The following ANGPT4 variants were observed in gnomAD, a reference collection of about 807,000 sequenced individuals.
The protein encoded by ANGPT4 is angiopoietin-4.
ANGPT4 carries 50 observed loss-of-function variants against 53.0 expected under a neutral mutation model. The ratio of observed to expected loss-of-function variants is 0.94; its 90% CI spans 0.75 to 1.20. The LOEUF is 1.20. Among genes scored for constraint, ANGPT4 ranks in the 50% most tolerant of loss-of-function variants. ANGPT4 has a pLI of 0.00. For synonymous variants in ANGPT4, 251 were observed against 259.7 expected, an observed-to-expected ratio of 0.97 and a Z score of 0.32; for missense variants, 648 against 637.1, an observed-to-expected ratio of 1.02 and a Z score of -0.18.
intron 1 of ANGPT4, among the ~76,000 whole-genome samples, chr20:906,245 C>A (rs1982475866): frequency 6.6e-6 from 1 of 152,178 alleles, no homozygotes; most frequent in African/African-American, 2.4e-5. Context: ...GCCTGAGGAC[C>A]CTTAAGCAGC....
chr20:885,786 T>C (rs1179952817), intron 3 of ANGPT4, among the ~76,000 whole-genome samples: 1 of 152,114 alleles, frequency 6.6e-6, no homozygotes, highest in Non-Finnish European at 1.5e-5. Context: ...TCCGCAGTCA[T>C]GAAGGAGGAG....
Position 901,968 on chromosome 20 carries a change from GA to G in ANGPT4, c.310-11601del, listed in dbSNP as rs1982303441. Among the ~76,000 whole-genome samples, 4 of 152,148 alleles carry G rather than the reference GA, an allele frequency of 2.6e-5. No individual in the cohort carries two copies. In the South Asian group the frequency reaches 8.3e-4, roughly 32 times the overall value. On this transcript the variant is annotated intron_variant, in intron 1 of 8. Coordinates refer to ENST00000381922, the MANE Select transcript of ANGPT4 (RefSeq NM_015985.4). ...GTTGAGCTACATCAGATGCTGATCT[GA>G]AAAGATGTCCCTGTCATGCTTATGA...
intron 1 of ANGPT4, among the ~76,000 whole-genome samples, chr20:892,139 A>T (rs968846991): frequency 3.8e-4 from 57 of 151,318 alleles, no homozygotes; most frequent in African/African-American, 1.3e-3. Flanking sequence ...CTAAAAACTA[A>T]CTCCACAGCC....
In ANGPT4 at chr20:885,193, G is replaced by A. The variant is rs1198446645; in HGVS notation, c.720C>T (p.Gly240=). The part of the protein sequence containing the change: ...QSAALTNIER[G]LRGVRHNSSL... The stretch of plus-strand genomic sequence containing the variant: ...TGGAGTTGTGCCTGACACCGCGCAG[G>A]CCGCGCTCGATGTTGGTGAGGGCGG... The change falls in exon 4 of 9, where the codon GGC becomes GGT. Residue 240 remains glycine, a synonymous_variant. Transcript: ENST00000381922. 10 of 1,602,032 alleles carry A rather than the reference G, an allele frequency of 6.2e-6. No homozygotes were observed. The highest frequency in any genetic ancestry group is 8.5e-6 in the Non-Finnish European group (10 of 1,174,266).
At chr20:899,823 C>A (rs190279588) in intron 1 of ANGPT4, among the ~76,000 whole-genome samples, 1 of 152,228 alleles carries the variant, frequency 6.6e-6, no homozygotes, top group Non-Finnish European at 1.5e-5. Flanking sequence ...AGCCTCTCTT[C>A]GGTTTCACTT....
chr20:900,773 G>A lies in ANGPT4; in HGVS notation c.310-10405C>T, dbSNP rs752015937. ...GACAACATAAAAAAACTCAAGGACA[G>A]AGCCCAAAAACTTGCCAGTCAAGCA... On this transcript the variant is annotated intron_variant, in intron 1 of 8. Coordinates refer to ENST00000381922, the MANE Select transcript of ANGPT4 (RefSeq NM_015985.4). Among the ~76,000 whole-genome samples the A allele has an allele frequency of 6.6e-5, 10 of 152,162 alleles. No individual in the cohort carries two copies. In the East Asian group the frequency reaches 7.7e-4, roughly 12 times the overall value.
Position 911,587 on chromosome 20 carries a change from GAGTTAGCAAC to G in ANGPT4, c.309+4309_309+4318del, listed in dbSNP as rs140779580. The stretch of plus-strand genomic sequence containing the variant: ...AGAATCAGAGACAGAGACACCCACA[GAGTTAGCAAC>G]AGTGAGTCAGGGCCACCGCGAGAGC... On this transcript the variant is annotated intron_variant, in intron 1 of 8. Transcript: ENST00000381922. This position sits in a 1 kb window ranked among gnomAD's most constrained non-coding sequence, Gnocchi z 4.9. Among the ~76,000 whole-genome samples, 1,989 of 152,254 alleles carry G rather than the reference GAGTTAGCAAC, an allele frequency of 0.013. 55 individuals carry two copies. The highest frequency in any genetic ancestry group is 0.044 in the African/African-American group (1,839 of 41,544).
chr20:909,519 G>A (rs1054945524), intron 1 of ANGPT4, among the ~76,000 whole-genome samples: 12 of 152,176 alleles, frequency 7.9e-5, no homozygotes, highest in East Asian at 1.9e-4. Flanking sequence ...TGGATGGTAC[G>A]ACAGGATTCC....
intron 3 of ANGPT4, among the ~76,000 whole-genome samples, chr20:886,003 G>C (rs890756805): frequency 6.6e-6 from 1 of 152,256 alleles, no homozygotes. Context: ...CTGCAGAGCA[G>C]GTTTGAGTGG....
intron 4 of ANGPT4, among the ~76,000 whole-genome samples, chr20:883,514 C>T (rs777447158): frequency 1.3e-5 from 2 of 152,200 alleles, no homozygotes; most frequent in African/African-American, 2.4e-5. Context: ...GGTTCCTGTG[C>T]CCCATCTCCA....
intron 4 of ANGPT4, among the ~76,000 whole-genome samples, chr20:882,636 G>A (rs1019938705): frequency 6.6e-6 from 1 of 152,138 alleles, no homozygotes; most frequent in Non-Finnish European, 1.5e-5. Context: ...ACAGGGAATT[G>A]GAGTCCAGCC....
chr20:879,379 A>T (rs2122767994), intron 6 of ANGPT4, among the ~76,000 whole-genome samples: 1 of 152,352 alleles, frequency 6.6e-6, no homozygotes, highest in African/African-American at 2.4e-5. Flanking sequence ...TCCTGCAGAT[A>T]TGATCATAGA....
In ANGPT4 at chr20:874,320, G is replaced by A. The variant is rs1568819826; in HGVS notation, c.1315C>T (p.His439Tyr). Residue 439 changes from histidine (H) to tyrosine (Y), a missense_variant, in exon 8 of 9, where the codon CAC becomes TAC. Physicochemically the swap from His to Tyr is moderately conservative, Grantham distance 83. Coordinates refer to ENST00000381922, the MANE Select transcript of ANGPT4 (RefSeq NM_015985.4). ...ACTTGGGCACACTTGCAGAGACAGT[G>A]GTCGTTGTCTGAGTCAAGGGTGCTA... ...SFSTLDSDND[H>Y]CLCKCAQVMS... 1.9e-6 allele frequency: 3 copies of A among 1,614,086 alleles called. No individual in the cohort carries two copies. Among genetic ancestry groups the A allele is most frequent in the Non-Finnish European group, 2.5e-6 (3 of 1,180,038 alleles).
Position 890,383 on chromosome 20 carries a change from G to T in ANGPT4, c.310-15C>A. 1 of 1,604,514 alleles carries T rather than the reference G, an allele frequency of 6.2e-7. No homozygotes were observed. The highest frequency in any genetic ancestry group is 8.5e-7 in the Non-Finnish European group (1 of 1,177,718). On this transcript the variant is annotated splice_polypyrimidine_tract_variant and intron_variant, in intron 1 of 8. Transcript: ENST00000381922. ...GCCCTCTCTAGCTGTGGGAGACCAT[G>T]GGCTGGGGTCACGGGGGAGGGGCGG...
intron 1 of ANGPT4, among the ~76,000 whole-genome samples, chr20:902,142 T>C (rs1469494187): frequency 1.3e-5 from 2 of 152,128 alleles, no homozygotes; most frequent in Non-Finnish European, 1.5e-5. Flanking sequence ...GGGGTTTCAA[T>C]AGGGTGATGG....
At chr20:880,159 G>A (rs6140526) in intron 5 of ANGPT4, among the ~76,000 whole-genome samples, 25,006 of 152,192 alleles carry the variant, frequency 0.16, 2,514 homozygotes, top group Non-Finnish European at 0.23. Context: ...GATGAGTCAC[G>A]TAAAGTGTTT....
intron 1 of ANGPT4, among the ~76,000 whole-genome samples, chr20:915,225 C>G (rs1328586808): frequency 1.0e-5 from 1 of 99,244 alleles, no homozygotes; most frequent in Non-Finnish European, 1.8e-5. Context: ...CTTCCAGTGG[C>G]CCCCCCCCCA....
At chr20:875,828 A>G (rs1981143986) in intron 7 of ANGPT4, among the ~76,000 whole-genome samples, 1 of 152,092 alleles carries the variant, frequency 6.6e-6, no homozygotes, top group Non-Finnish European at 1.5e-5. Flanking sequence ...ATTTGGGAGC[A>G]ATTAAGAAGG....
chr20:912,102 C>T (rs1352465758), intron 1 of ANGPT4, among the ~76,000 whole-genome samples: 2 of 152,190 alleles, frequency 1.3e-5, no homozygotes, highest in African/African-American at 4.8e-5. Context: ...TTGTGTCTGG[C>T]CCTGGTTTTC....
Sources: gnomAD v4.1 joint callset for allele counts (sites outside exome capture counted in the v4.1 genomes callset) on GRCh38, gnomAD v4.1.1 for gene constraint, Gnocchi (gnomAD v3.1) non-coding constraint, MANE v1.5 for transcripts, NCBI Gene and HGNC (gene_info 2026-07-23, HGNC 2026-07-21) for gene names.